AUTS2: variants seen among roughly 807,000 people sequenced by gnomAD.
AUTS2 encodes the protein activator of transcription and developmental regulator AUTS2, also known as autism susceptibility gene 2 protein.
A neutral mutation model predicts 112.4 loss-of-function variants in AUTS2; 17 were observed. The observed-to-expected ratio is 0.15, with a 90% CI of 0.10 to 0.23. AUTS2 has a LOEUF of 0.23. Among genes scored for constraint, AUTS2 ranks in the 10% least tolerant of loss-of-function variants. The pLI, the probability that AUTS2 is intolerant of heterozygous loss-of-function variation, is 1.00. For synonymous variants in AUTS2, 751 were observed against 702.7 expected (o/e 1.07, Z -1.09); for missense variants, 1,510 against 1,701.6 (o/e 0.89, Z 1.98).
At chr7:70,160,061 C>G (rs1209593815) in intron 4 of AUTS2, among the ~76,000 whole-genome samples, 1 of 152,078 alleles carries the variant, frequency 6.6e-6, no homozygotes, top group Admixed American at 6.5e-5. Context: ...TTAGATTGGT[C>G]TTTTCTGCAT....
At chr7:70,688,056 T>G (rs2129546007) in intron 5 of AUTS2, among the ~76,000 whole-genome samples, 1 of 152,302 alleles carries the variant, frequency 6.6e-6, no homozygotes, top group South Asian at 2.1e-4. Flanking sequence ...CTTGCTTGAC[T>G]GCCATGAGTA....
chr7:70,678,713 T>C (rs1808054825), intron 5 of AUTS2, among the ~76,000 whole-genome samples: 1 of 152,228 alleles, frequency 6.6e-6, no homozygotes, highest in Admixed American at 6.5e-5. Flanking sequence ...GTAAGTGCCT[T>C]AGGCTCACCA....
intron 1 of AUTS2, among the ~76,000 whole-genome samples, chr7:69,636,955 C>T (rs1475553116): frequency 4.6e-5 from 7 of 151,968 alleles, no homozygotes; most frequent in Non-Finnish European, 8.8e-5. Flanking sequence ...TTAGTAGAGA[C>T]GGGGTTTCAC....
chr7:70,398,971 A>G (rs960917379), intron 4 of AUTS2, among the ~76,000 whole-genome samples: 7 of 147,448 alleles, frequency 4.7e-5, no homozygotes, highest in Non-Finnish European at 9.0e-5. Flanking sequence ...AGAAAATCAT[A>G]TGGTCTTTCT....
At chr7:69,671,729 A>G (rs1287544768) in intron 1 of AUTS2, among the ~76,000 whole-genome samples, 1 of 152,034 alleles carries the variant, frequency 6.6e-6, no homozygotes, top group Non-Finnish European at 1.5e-5. Context: ...CTCTCCTTTA[A>G]GGTCATTTGG....
chr7:70,704,650 C>T (rs903730932), intron 6 of AUTS2, among the ~76,000 whole-genome samples: 1 of 152,170 alleles, frequency 6.6e-6, no homozygotes, highest in African/African-American at 2.4e-5. Context: ...TGAAAAATAT[C>T]AGATCAGTTC....
At chr7:70,322,924 A>G (rs1790321414) in intron 4 of AUTS2, among the ~76,000 whole-genome samples, 1 of 152,180 alleles carries the variant, frequency 6.6e-6, no homozygotes, top group South Asian at 2.1e-4. Context: ...TTCCACTCTC[A>G]GCACTTTACA....
chr7:70,463,017 A>T (rs1250693618), intron 5 of AUTS2, among the ~76,000 whole-genome samples: 1 of 152,088 alleles, frequency 6.6e-6, no homozygotes, highest in Non-Finnish European at 1.5e-5. Flanking sequence ...TGGTTCTCCA[A>T]CTACCTGAGC....
chr7:70,643,592 G>A (rs1805978884), intron 5 of AUTS2, among the ~76,000 whole-genome samples: 1 of 152,090 alleles, frequency 6.6e-6, no homozygotes, highest in Non-Finnish European at 1.5e-5. Context: ...TAAAGTAAAA[G>A]TGTGACAAAC....
intron 2 of AUTS2, among the ~76,000 whole-genome samples, chr7:70,015,730 G>A (rs1799997372): frequency 6.6e-6 from 1 of 151,774 alleles, no homozygotes; most frequent in Non-Finnish European, 1.5e-5. Flanking sequence ...AATTGGTAAA[G>A]CATTTAACTG....
At position 70,792,357 on chromosome 7, in the gene AUTS2, T is replaced by C. The variant is rs1792022668; in HGVS notation, c.*1361T>C. ...CTTGTCTACATATTTGGAGAGAATATGACTTTACTAGCAGAGAAATACAAT... is the reference window on the plus strand; with the variant it reads ...CTTGTCTACATATTTGGAGAGAATACGACTTTACTAGCAGAGAAATACAAT... On this transcript the variant is annotated 3_prime_UTR_variant, in exon 19 of 19. Transcript: ENST00000342771. 6.6e-6 allele frequency: 1 copy of C among 152,640 alleles called. No homozygotes were observed. The allele number at this position is 152,640 out of a possible 1,614,324, so 9.5% of individuals were successfully genotyped here.
chr7:70,697,560 T>TCTCCCC (rs1809186641), intron 5 of AUTS2, among the ~76,000 whole-genome samples: 1 of 127,718 alleles, frequency 7.8e-6, no homozygotes, highest in Non-Finnish European at 1.6e-5. Context: ...ACTTCAGAAT[T>TCTCCCC]CCCCCCCCCC....
chr7:70,086,876 T>C (rs956156274), intron 2 of AUTS2, among the ~76,000 whole-genome samples: 1 of 152,084 alleles, frequency 6.6e-6, no homozygotes, highest in African/African-American at 2.4e-5. Flanking sequence ...TTTTAAAATT[T>C]ATTTGTATTG....
intron 2 of AUTS2, among the ~76,000 whole-genome samples, chr7:70,085,935 A>G (rs1220580668): frequency 6.6e-6 from 1 of 151,992 alleles, no homozygotes; most frequent in Admixed American, 6.6e-5. Context: ...AAAAAAAAAA[A>G]TTAAAGGAAA....
At chr7:70,445,362 A>C (rs1796279379) in intron 5 of AUTS2, among the ~76,000 whole-genome samples, 1 of 152,172 alleles carries the variant, frequency 6.6e-6, no homozygotes, top group South Asian at 2.1e-4. Flanking sequence ...TCATGCTGTC[A>C]TCCCCTCTGT....
intron 1 of AUTS2, among the ~76,000 whole-genome samples, chr7:69,866,015 T>C (rs1793215901): frequency 6.6e-6 from 1 of 152,222 alleles, no homozygotes; most frequent in East Asian, 1.9e-4. Context: ...TCTACCTTTT[T>C]CTTGTCTGTT....
intron 4 of AUTS2, among the ~76,000 whole-genome samples, chr7:70,228,436 T>G (rs1811882285): frequency 6.6e-6 from 1 of 151,874 alleles, no homozygotes; most frequent in Non-Finnish European, 1.5e-5. Context: ...TATTATTGAT[T>G]TGATTGGATT....
chr7:69,989,195 G>T (rs1490228489), intron 2 of AUTS2, among the ~76,000 whole-genome samples: 2 of 152,146 alleles, frequency 1.3e-5, no homozygotes, highest in African/African-American at 4.8e-5. Context: ...TCTTGGTATT[G>T]TGTATGGATG....
intron 5 of AUTS2, among the ~76,000 whole-genome samples, chr7:70,677,951 C>T (rs865953427): frequency 5.9e-5 from 9 of 151,966 alleles, no homozygotes; most frequent in East Asian, 1.9e-4. Flanking sequence ...GGCGTGGTGG[C>T]GGGCCCTGTA....
Sources: gnomAD v4.1 joint callset for allele counts (sites outside exome capture counted in the v4.1 genomes callset) on GRCh38, gnomAD v4.1.1 for gene constraint, MANE v1.5 for transcripts, NCBI Gene and HGNC (gene_info 2026-07-23, HGNC 2026-07-21) for gene names.